USP25: variants seen among roughly 807,000 people sequenced by gnomAD.
USP25 encodes ubiquitin specific peptidase 25.
Under a neutral mutation model 158.5 loss-of-function variants are expected in USP25, and 85 were observed. That is an observed-to-expected ratio of 0.54 (90% CI 0.45 to 0.64). USP25 has a LOEUF of 0.64. Ranked by LOEUF, USP25 falls within the 30% of genes least tolerant of loss-of-function variation. The pLI, the probability that USP25 is intolerant of heterozygous loss-of-function variation, is 0.00. For synonymous variants in USP25, 464 were observed against 460.4 expected (o/e 1.01, Z -0.10); for missense variants, 1,242 against 1,327.3 (o/e 0.94, Z 1.00).
At chr21:15,838,392 T>G (rs1183497635) in intron 17 of USP25, among the ~76,000 whole-genome samples, 2 of 152,100 alleles carry the variant, frequency 1.3e-5, no homozygotes, top group Non-Finnish European at 2.9e-5. Context: ...AATTTTAAAG[T>G]AGAAACAAAA....
At chr21:15,842,352 C>G in intron 17 of USP25, 46 bp from the exon 18 acceptor site, 1 of 1,590,896 alleles carries the variant, frequency 6.3e-7, no homozygotes, top group Non-Finnish European at 8.6e-7. Flanking sequence ...TTAGTATAGA[C>G]TCTGTGGTTT....
Position 15,791,742 on chromosome 21 carries a change from T to C in USP25, c.555+78T>C. On this transcript the variant is annotated intron_variant, in intron 5 of 25. Transcript: ENST00000400183. ...AAGTGAGTTGGTTGTGTTTAAGTTG[T>C]GTACTTTAAAGATAAGTACAGATAA... The C allele has an allele frequency of 4.7e-6, 7 of 1,478,250 alleles. No homozygotes were observed. The South Asian group carries it at 9.9e-5, about 21-fold the overall frequency. 91.6% of individuals were successfully genotyped at this position (1,478,250 alleles called of 1,614,324 possible). A position where few individuals can be genotyped will look rare whatever the true frequency, so the allele number is the denominator to read the frequency against.
intron 10 of USP25, among the ~76,000 whole-genome samples, chr21:15,822,821 AATTTT>A (rs1215888184): frequency 6.6e-6 from 1 of 152,008 alleles, no homozygotes; most frequent in Admixed American, 6.6e-5. Context: ...TATTTTTCAT[AATTTT>A]ATTTAATCCG....
rs550094308 is a variant in USP25 at position 15,738,781 on chromosome 21, C to T, written c.45+8343C>T. Reference sequence around the variant, plus strand: ...AAATGAAATCCACAAGCAGACAGCCCAGGGCCACACCCTGGGCCTGGTAGT... The same window carrying T: ...AAATGAAATCCACAAGCAGACAGCCTAGGGCCACACCCTGGGCCTGGTAGT... On this transcript the variant is annotated intron_variant, in intron 1 of 25. Transcript: ENST00000400183. Among the ~76,000 whole-genome samples the T allele has an allele frequency of 3.5e-4, 53 of 152,258 alleles. 1 individual carries two copies. Among genetic ancestry groups the T allele is most frequent in the Non-Finnish European group, 6.9e-4 (47 of 68,028 alleles).
At chr21:15,781,716 CTCT>C (rs1235037336) in intron 4 of USP25, among the ~76,000 whole-genome samples, 1 of 152,118 alleles carries the variant, frequency 6.6e-6, no homozygotes, top group East Asian at 1.9e-4. Flanking sequence ...CAGGGGGTTC[CTCT>C]TCTTATAGGA....
At chr21:15,828,038 G>GA (rs1296169815) in intron 14 of USP25, among the ~76,000 whole-genome samples, 2 of 150,896 alleles carry the variant, frequency 1.3e-5, no homozygotes, top group East Asian at 1.9e-4. Context: ...ATTGATTTTT[G>GA]AAAAAAATGA....
intron 4 of USP25, among the ~76,000 whole-genome samples, chr21:15,787,988 G>A (rs953374383): frequency 9.9e-5 from 14 of 141,570 alleles, no homozygotes; most frequent in African/African-American, 2.7e-4. Flanking sequence ...AACATTTAGC[G>A]TAGTGTGTGG....
chr21:15,819,023 C>T (rs1274479871), intron 10 of USP25, among the ~76,000 whole-genome samples, 177 bp downstream of exon 10: 1 of 152,092 alleles, frequency 6.6e-6, no homozygotes. Flanking sequence ...TCAATATGGC[C>T]TATAATCTAT....
Position 15,730,210 on chromosome 21 carries a change from C to A in USP25, c.-184C>A. ...CGTGGCCCTCACAGTCGGCGTTTCG[C>A]CGCCTGCCCGCGGTGCCCGCGCACG... On this transcript the variant is annotated 5_prime_UTR_variant, in exon 1 of 26. Coordinates refer to ENST00000400183, the MANE Select transcript of USP25 (RefSeq NM_001283041.3). 1.7e-6 allele frequency: 1 copy of A among 572,614 alleles called. No individual in the cohort carries two copies. The highest frequency in any genetic ancestry group is 2.2e-6 in the Non-Finnish European group (1 of 454,080). 35.5% of individuals were successfully genotyped at this position (572,614 alleles called of 1,614,324 possible).
intron 8 of USP25, among the ~76,000 whole-genome samples, chr21:15,810,072 A>G (rs1309714633): frequency 2.0e-5 from 3 of 152,184 alleles, no homozygotes; most frequent in Non-Finnish European, 2.9e-5. Context: ...CATTGGTTGC[A>G]CAACAGTGTG....
At chr21:15,870,944 T>G (rs1198188437) in intron 23 of USP25, among the ~76,000 whole-genome samples, 1 of 152,198 alleles carries the variant, frequency 6.6e-6, no homozygotes, top group East Asian at 1.9e-4. Context: ...CTTAAATAAC[T>G]AAAACTTTTA....
At chr21:15,831,285 T>TAAA in intron 15 of USP25, 116 bp from the exon 16 acceptor site, 1 of 757,954 alleles carries the variant, frequency 1.3e-6, no homozygotes, top group Non-Finnish European at 2.0e-6. Flanking sequence ...CTCTCTCATT[T>TAAA]AAAAAAAAAA....
chr21:15,752,366 C>T (rs906529851), intron 1 of USP25, among the ~76,000 whole-genome samples: 2 of 152,118 alleles, frequency 1.3e-5, no homozygotes, highest in South Asian at 4.1e-4. Context: ...CAGGCGCCTG[C>T]CACCATGCCT....
At chr21:15,736,914 C>CTT (rs76186194) in intron 1 of USP25, among the ~76,000 whole-genome samples, 3 of 125,464 alleles carry the variant, frequency 2.4e-5, no homozygotes, top group South Asian at 2.5e-4. Flanking sequence ...TGCCACTCTG[C>CTT]TTTTTTTTTT....
At chr21:15,739,137 A>C (rs1459916205) in intron 1 of USP25, among the ~76,000 whole-genome samples, 2 of 152,058 alleles carry the variant, frequency 1.3e-5, no homozygotes, top group Admixed American at 1.3e-4. Context: ...CTACATCATG[A>C]TTAAAAAGTT....
intron 1 of USP25, among the ~76,000 whole-genome samples, chr21:15,754,044 A>G (rs563826070): frequency 2.0e-4 from 31 of 152,318 alleles, no homozygotes; most frequent in Admixed American, 4.6e-4. Flanking sequence ...TGATACAGAT[A>G]CTTTTTCTAA....
In USP25 at chr21:15,842,453, A is replaced by G. The variant is rs1203806769; in HGVS notation, c.2250A>G (p.Ser750=). ...YLEQPSRSDF[S]KHLKEETIQI... is the part of the protein sequence containing the mutation. The stretch of plus-strand genomic sequence containing the variant: ...AGCAGCCATCAAGAAGTGATTTCTC[A>G]AAGCACTTGAAAGAAGAAACTATTC... Residue 750 remains serine (S), a synonymous_variant, in exon 18 of 26, where the codon TCA becomes TCG. Transcript: ENST00000400183. 1 of 1,613,758 alleles carries G rather than the reference A, an allele frequency of 6.2e-7. No homozygotes were observed. Among genetic ancestry groups the G allele is most frequent in the Non-Finnish European group, 8.5e-7 (1 of 1,179,752 alleles).
Position 15,874,471 on chromosome 21 carries a change from T to C in USP25, c.2954T>C (p.Leu985Ser). The change falls in exon 24 of 26, where the codon TTA becomes TCA. Residue 985 changes from leucine (L) to serine (S), a missense_variant. This residue lies in a region of USP25 where 608 missense variants were observed against 605.2 expected (regional missense o/e 1.00). Coordinates refer to ENST00000400183, the MANE Select transcript of USP25 (RefSeq NM_001283041.3). ...AACAAAGAACTCTTGTCTAAAGGCT[T>C]ATACAGAGGACATGATGAAGAATTG... ...QNNKELLSKG[L>S]YRGHDEELIS... The C allele has an allele frequency of 5.6e-6, 9 of 1,611,434 alleles. No individual in the cohort carries two copies. The highest frequency in any genetic ancestry group is 7.6e-6 in the Non-Finnish European group (9 of 1,178,858).
At chr21:15,819,351 C>T (rs1022490697) in intron 10 of USP25, among the ~76,000 whole-genome samples, 2 of 152,150 alleles carry the variant, frequency 1.3e-5, no homozygotes, top group African/African-American at 4.8e-5. Flanking sequence ...TATATGTCTA[C>T]CTCAACTAGT....
Sources: allele counts gnomAD v4.1 joint callset (sites outside exome capture counted in the v4.1 genomes callset), GRCh38; gene constraint gnomAD v4.1.1; regional missense constraint gnomAD v4.1.1; transcripts MANE v1.5; gene names NCBI Gene and HGNC (gene_info 2026-07-23, HGNC 2026-07-21).